KCNT2: variants seen among roughly 807,000 people sequenced by gnomAD.
KCNT2 encodes the protein potassium sodium-activated channel subfamily T member 2.
A neutral mutation model predicts 153.8 loss-of-function variants in KCNT2; 67 were observed. The observed-to-expected ratio is 0.44, with a 90% CI of 0.36 to 0.53. The LOEUF (loss-of-function observed/expected upper bound fraction) is 0.53. KCNT2 is among the 20% of genes least tolerant of loss of function. KCNT2 has a pLI of 0.00. For missense variants in KCNT2, 975 were observed against 1,354.8 expected (o/e 0.72, Z 4.40); for synonymous variants, 500 against 458.8 (o/e 1.09, Z -1.15).
At chr1:196,276,409 C>G (rs775128574) in intron 25 of KCNT2, among the ~76,000 whole-genome samples, 13 of 152,002 alleles carry the variant, frequency 8.6e-5, no homozygotes, top group African/African-American at 4.8e-5. Context: ...ATCCTGAACT[C>G]TTTGGCAACT....
At chr1:196,570,142 G>A (rs1434602144) in intron 1 of KCNT2, among the ~76,000 whole-genome samples, 1 of 148,936 alleles carries the variant, frequency 6.7e-6, no homozygotes, top group Non-Finnish European at 1.5e-5. Context: ...TGATAGGCAA[G>A]GACATTTGAG....
chr1:196,346,558 A>T (rs1441105033), intron 14 of KCNT2, among the ~76,000 whole-genome samples: 1 of 152,092 alleles, frequency 6.6e-6, no homozygotes, highest in Non-Finnish European at 1.5e-5. Context: ...ACTGCACATT[A>T]TTTTTAAGTA....
intron 7 of KCNT2, among the ~76,000 whole-genome samples, chr1:196,466,985 C>A (rs938268485): frequency 1.3e-5 from 2 of 151,824 alleles, no homozygotes; most frequent in African/African-American, 4.8e-5. Context: ...TCCTAATATC[C>A]CACTCACAAC....
intron 14 of KCNT2, among the ~76,000 whole-genome samples, chr1:196,361,926 T>TGTGC (rs1414072071): frequency 1.3e-5 from 2 of 151,850 alleles, no homozygotes; most frequent in East Asian, 3.9e-4. Flanking sequence ...TGTGTGTGTG[T>TGTGC]GTGTGTTTCA....
chr1:196,473,515 G>C lies in KCNT2; in HGVS notation c.385-4447C>G, dbSNP rs1048898965. 2.6e-5 allele frequency among the ~76,000 whole-genome samples: 4 copies of C among 152,256 alleles called. 1 individual carries two copies. The highest frequency in any genetic ancestry group is 9.6e-5 in the African/African-American group (4 of 41,562). On this transcript the variant is annotated intron_variant, in intron 5 of 27. Transcript: ENST00000294725. Reference sequence around the variant, plus strand: ...ACCACATGTATGCATATATGTGTATGTTTGTGTGAGTTTTGTGACACATGA... The same window carrying C: ...ACCACATGTATGCATATATGTGTATCTTTGTGTGAGTTTTGTGACACATGA...
At chr1:196,418,112 T>C (rs578132010) in intron 12 of KCNT2, among the ~76,000 whole-genome samples, 1 of 152,216 alleles carries the variant, frequency 6.6e-6, no homozygotes, top group South Asian at 2.1e-4. Flanking sequence ...TTGTCTCTTT[T>C]GACATTTGTT....
chr1:196,235,810 TA>T (rs1654383110), intron 27 of KCNT2, among the ~76,000 whole-genome samples, 175 bp downstream of exon 27: 1 of 151,504 alleles, frequency 6.6e-6, no homozygotes, highest in Non-Finnish European at 1.5e-5. Context: ...TAAACAATCA[TA>T]TTTTTATATT....
At chr1:196,245,363 T>G (rs1430389296) in intron 26 of KCNT2, among the ~76,000 whole-genome samples, 1 of 151,952 alleles carries the variant, frequency 6.6e-6, no homozygotes, top group East Asian at 1.9e-4. Flanking sequence ...TAACAAAGCC[T>G]AAGTCTGAAC....
chr1:196,340,573 T>A lies in KCNT2; in HGVS notation c.1554-3A>T. On this transcript the variant is annotated splice_region_variant and splice_polypyrimidine_tract_variant and intron_variant, in intron 15 of 27. Coordinates refer to ENST00000294725, the MANE Select transcript of KCNT2 (RefSeq NM_198503.5). ...CACCAATCAAGCAGACGCCAAACCT[T>A]AATTTAAAAAAAAAGAGAGTTTGTA... 6.6e-7 allele frequency: 1 copy of A among 1,503,968 alleles called. No homozygotes were observed. Among genetic ancestry groups the A allele is most frequent in the Non-Finnish European group, 8.9e-7 (1 of 1,120,814 alleles). 93.2% of individuals were successfully genotyped at this position (1,503,968 alleles called of 1,614,324 possible). A position where few individuals can be genotyped will look rare whatever the true frequency, so the allele number is the denominator to read the frequency against.
In KCNT2 at chr1:196,552,607, C is replaced by T. The variant is rs189857643; in HGVS notation, c.95+55608G>A. ...TAAAACTCACTGGAAATAGTAAGTACACAGAAAACACAGAATAATGTTAAA... is the reference window on the plus strand; with the variant it reads ...TAAAACTCACTGGAAATAGTAAGTATACAGAAAACACAGAATAATGTTAAA... On this transcript the variant is annotated intron_variant, in intron 1 of 27. Coordinates refer to ENST00000294725, the MANE Select transcript of KCNT2 (RefSeq NM_198503.5). Among the ~76,000 whole-genome samples, 11 of 151,424 alleles carry T rather than the reference C, an allele frequency of 7.3e-5. No individual in the cohort carries two copies. In the East Asian group the frequency reaches 2.1e-3, roughly 29 times the overall value.
At chr1:196,346,236 T>G (rs1361277652) in intron 14 of KCNT2, among the ~76,000 whole-genome samples, 1 of 152,140 alleles carries the variant, frequency 6.6e-6, no homozygotes, top group Non-Finnish European at 1.5e-5. Flanking sequence ...AGGGCAGCAT[T>G]TGGTCTACAT....
chr1:196,235,444 T>G (rs1654345396), intron 27 of KCNT2, among the ~76,000 whole-genome samples: 1 of 151,494 alleles, frequency 6.6e-6, no homozygotes, highest in South Asian at 2.1e-4. Context: ...GCTATTAAAT[T>G]TTTCATGTGT....
chr1:196,353,438 T>A (rs539609258), intron 14 of KCNT2, among the ~76,000 whole-genome samples: 1 of 152,060 alleles, frequency 6.6e-6, no homozygotes, highest in East Asian at 1.9e-4. Flanking sequence ...AGTTTTGGAT[T>A]ATAATCACCA....
rs545380342 is a variant in KCNT2, at chr1:196,340,963, C to T, written c.1554-393G>A. Among the ~76,000 whole-genome samples, 10 of 151,872 alleles carry T rather than the reference C, an allele frequency of 6.6e-5. No individual in the cohort carries two copies. In the South Asian group the frequency reaches 2.1e-3, roughly 32 times the overall value. ...CAAAGGAAAGAAACTTACCCATGGTCACCTGAAAGAGAACCAGGGTCCCTG... is the reference window on the plus strand; with the variant it reads ...CAAAGGAAAGAAACTTACCCATGGTTACCTGAAAGAGAACCAGGGTCCCTG... On this transcript the variant is annotated intron_variant, in intron 15 of 27. Coordinates refer to ENST00000294725, the MANE Select transcript of KCNT2 (RefSeq NM_198503.5).
intron 1 of KCNT2, among the ~76,000 whole-genome samples, chr1:196,514,714 G>T (rs1294412316): frequency 6.6e-6 from 1 of 151,826 alleles, no homozygotes; most frequent in Non-Finnish European, 1.5e-5. Context: ...CCAGTATATT[G>T]CTTTTCTATA....
intron 22 of KCNT2, among the ~76,000 whole-genome samples, chr1:196,304,336 G>A (rs1411930065): frequency 6.6e-6 from 1 of 152,064 alleles, no homozygotes; most frequent in Admixed American, 6.6e-5. Context: ...TATAAGAAAT[G>A]AAAACAGCCT....
At chr1:196,604,168 C>T (rs925147563) in intron 1 of KCNT2, among the ~76,000 whole-genome samples, 1 of 152,172 alleles carries the variant, frequency 6.6e-6, no homozygotes, top group African/African-American at 2.4e-5. Flanking sequence ...ATCCTTTCTA[C>T]AAATGGTGCA....
At chr1:196,311,122 C>A (rs1662136019) in intron 21 of KCNT2, among the ~76,000 whole-genome samples, 1 of 151,840 alleles carries the variant, frequency 6.6e-6, no homozygotes, top group African/African-American at 2.4e-5. Flanking sequence ...AGCAAATATT[C>A]TTATTATCTG....
At chr1:196,480,708 T>C (rs1157781557) in intron 4 of KCNT2, among the ~76,000 whole-genome samples, 1 of 151,668 alleles carries the variant, frequency 6.6e-6, no homozygotes, top group East Asian at 1.9e-4. Flanking sequence ...ACAAAAAAAG[T>C]AGCCGGGCGT....
Sources: gnomAD v4.1 joint callset for allele counts (sites outside exome capture counted in the v4.1 genomes callset) on GRCh38, gnomAD v4.1.1 for gene constraint, MANE v1.5 for transcripts, NCBI Gene and HGNC (gene_info 2026-07-23, HGNC 2026-07-21) for gene names.